The following TUT4 variants were observed in gnomAD, a reference collection of about 807,000 sequenced individuals.
The protein encoded by TUT4 is terminal uridylyl transferase 4.
A neutral mutation model predicts 192.2 loss-of-function variants in TUT4; 36 were observed. The observed-to-expected ratio is 0.19, with a 90% CI of 0.14 to 0.25. The LOEUF (loss-of-function observed/expected upper bound fraction) is 0.25, where lower values mean the gene tolerates loss of function less well. Among genes scored for constraint, TUT4 ranks in the 10% least tolerant of loss-of-function variants. The pLI, the probability that TUT4 is intolerant of heterozygous loss-of-function variation, is 1.00. For missense variants in TUT4, 1,493 were observed against 1,957.2 expected, an observed-to-expected ratio of 0.76 and a Z score of 4.47; for synonymous variants, 618 against 666.0, an observed-to-expected ratio of 0.93 and a Z score of 1.11.
chr1:52,547,398 G>A (rs1397696982), intron 1 of TUT4, among the ~76,000 whole-genome samples: 1 of 151,830 alleles, frequency 6.6e-6, no homozygotes, highest in Non-Finnish European at 1.5e-5. Context: ...TGAGGATGTA[G>A]AGAAATTGGA....
intron 1 of TUT4, among the ~76,000 whole-genome samples, chr1:52,541,718 GAA>G (rs1303816606): frequency 6.6e-6 from 1 of 152,062 alleles, no homozygotes; most frequent in Non-Finnish European, 1.5e-5. Flanking sequence ...GAAAACTAAA[GAA>G]AAGAGATAAA....
chr1:52,426,978 A>C (rs1214530137), intron 28 of TUT4, among the ~76,000 whole-genome samples: 1 of 152,180 alleles, frequency 6.6e-6, no homozygotes, highest in Non-Finnish European at 1.5e-5. Flanking sequence ...CTGTAGCTTT[A>C]ATAACAATTA....
chr1:52,472,750 G>A (rs1666104534), intron 13 of TUT4, among the ~76,000 whole-genome samples: 1 of 151,910 alleles, frequency 6.6e-6, no homozygotes, highest in South Asian at 2.1e-4. Flanking sequence ...TATTTCAATG[G>A]ACACCAAACA....
At chr1:52,495,768 T>C (rs1406595342) in intron 5 of TUT4, among the ~76,000 whole-genome samples, 7 of 152,148 alleles carry the variant, frequency 4.6e-5, no homozygotes, top group African/African-American at 9.6e-5. Flanking sequence ...ATTTTAGTAA[T>C]AGTTCATTTA....
At chr1:52,474,185 G>A (rs1356029914) in intron 13 of TUT4, among the ~76,000 whole-genome samples, 1 of 152,198 alleles carries the variant, frequency 6.6e-6, no homozygotes, top group East Asian at 1.9e-4. Flanking sequence ...TTCAGCCTGG[G>A]CAACAGAGCC....
At chr1:52,469,870 G>A (rs1326792813) in intron 14 of TUT4, among the ~76,000 whole-genome samples, 3 of 135,360 alleles carry the variant, frequency 2.2e-5, no homozygotes, top group African/African-American at 5.7e-5. Context: ...CAGCCTGGGC[G>A]ACAGAGCGAG....
chr1:52,440,926 G>C (rs780022658), intron 24 of TUT4, among the ~76,000 whole-genome samples: 98 of 152,238 alleles, frequency 6.4e-4, no homozygotes, highest in Admixed American at 1.0e-3. Context: ...ATTTTGGAGG[G>C]AGATAACAGT....
At chr1:52,431,543 A>C (rs988519778) in intron 27 of TUT4, 83 bp from the exon 28 acceptor site, 53 of 1,102,676 alleles carry the variant, frequency 4.8e-5, no homozygotes, top group Middle Eastern at 3.1e-4. Context: ...CAAAATTAAA[A>C]ACTTTATAAA....
At chr1:52,466,663 T>A (rs59468225) in intron 15 of TUT4, among the ~76,000 whole-genome samples, 1,410 of 123,054 alleles carry the variant, frequency 0.011, 11 homozygotes, top group Middle Eastern at 0.016. Flanking sequence ...AAAAAAAATA[T>A]ATATATATAT....
chr1:52,506,878 A>T (rs1675738115), intron 4 of TUT4, among the ~76,000 whole-genome samples: 2 of 152,130 alleles, frequency 1.3e-5, no homozygotes, highest in South Asian at 4.1e-4. Context: ...AACTTTTTTC[A>T]GTGATGAGTA....
chr1:52,458,389 C>T lies in TUT4; in HGVS notation c.3382G>A (p.Val1128Met), dbSNP rs1362699322. Reference protein sequence around the residue: ...SLSSYAYILMVLYFLQQRKPP... With the variant: ...SLSSYAYILMMLYFLQQRKPP... ...TTTCTCTGCTGCAGAAAGTACAGCA[C>T]CATAAGGATATATGCATATGAAGAT... Residue 1128 changes from valine to methionine, a missense_variant, in exon 20 of 30, where the codon GTG (valine) becomes ATG (methionine). By Grantham distance (21) the Val-to-Met change is conservative. Coordinates refer to ENST00000257177, the MANE Select transcript of TUT4 (RefSeq NM_001009881.3). 6.2e-7 allele frequency: 1 copy of T among 1,613,936 alleles called. No homozygotes were observed. Among genetic ancestry groups the T allele is most frequent in the Non-Finnish European group, 8.5e-7 (1 of 1,179,950 alleles).
intron 1 of TUT4, among the ~76,000 whole-genome samples, chr1:52,541,997 T>C (rs115897046): frequency 0.012 from 1,831 of 152,306 alleles, 50 homozygotes; most frequent in African/African-American, 0.043. Flanking sequence ...ATATATATAA[T>C]GAACTACTAC....
chr1:52,547,477 T>C (rs1688374509), intron 1 of TUT4, among the ~76,000 whole-genome samples: 1 of 152,122 alleles, frequency 6.6e-6, no homozygotes, highest in East Asian at 1.9e-4. Flanking sequence ...CAGTTCCTCA[T>C]AAAGTTAATC....
intron 10 of TUT4, 44 bp from the exon 11 acceptor site, chr1:52,481,679 A>G: frequency 3.8e-6 from 1 of 263,436 alleles, no homozygotes; most frequent in East Asian, 1.3e-4. Flanking sequence ...AAAATTATTT[A>G]AAAAAAAAAA....
At chr1:52,439,390 T>C (rs1029460419) in intron 24 of TUT4, among the ~76,000 whole-genome samples, 1 of 152,148 alleles carries the variant, frequency 6.6e-6, no homozygotes, top group African/African-American at 2.4e-5. Flanking sequence ...AAGAAGTAAA[T>C]AATTTTCCAA....
intron 4 of TUT4, among the ~76,000 whole-genome samples, chr1:52,497,469 C>A (rs1672744835): frequency 6.6e-6 from 1 of 152,130 alleles, no homozygotes; most frequent in Non-Finnish European, 1.5e-5. Context: ...AGCCAAGGTA[C>A]CTTAAGTACA....
intron 1 of TUT4, among the ~76,000 whole-genome samples, chr1:52,538,047 G>A (rs1685431567): frequency 6.6e-6 from 1 of 151,986 alleles, no homozygotes; most frequent in Non-Finnish European, 1.5e-5. Context: ...AAAAGCCTGG[G>A]CAACATGGTG....
At chr1:52,444,977 G>A (rs1400788569) in intron 24 of TUT4, among the ~76,000 whole-genome samples, 1 of 146,624 alleles carries the variant, frequency 6.8e-6, no homozygotes, top group African/African-American at 2.7e-5. Flanking sequence ...ACATGTATAT[G>A]TGTGTATATA....
chr1:52,452,293 T>C lies in TUT4; in HGVS notation c.3436-5626A>G, dbSNP rs570657093. Among the ~76,000 whole-genome samples, 12 of 152,258 alleles carry C rather than the reference T, an allele frequency of 7.9e-5. No homozygotes were observed. The South Asian group carries it at 1.5e-3, about 18-fold the overall frequency. ...AACATCTCAAACTCAACTGATGTAA[T>C]TGTGATGTTATAATTGGCCTCCAAA... On this transcript the variant is annotated intron_variant, in intron 20 of 29. Transcript: ENST00000257177.
Sources: gnomAD v4.1 joint callset for allele counts (sites outside exome capture counted in the v4.1 genomes callset) on GRCh38, gnomAD v4.1.1 for gene constraint, MANE v1.5 for transcripts, NCBI Gene and HGNC (gene_info 2026-07-23, HGNC 2026-07-21) for gene names.